Variants in TTC7A observed in about 807,000 individuals in gnomAD.
TTC7A encodes the protein tetratricopeptide repeat protein 7A.
A neutral mutation model predicts 103.7 loss-of-function variants in TTC7A; 110 were observed. That is an observed-to-expected ratio of 1.06 (90% CI 0.91 to 1.24). TTC7A has a LOEUF of 1.24. TTC7A is among the 50% of genes most tolerant of loss of function. TTC7A has a pLI of 0.00. For missense variants in TTC7A, 1,340 were observed against 1,116.3 expected (o/e 1.20, Z -2.86); for synonymous variants, 521 against 467.9 (o/e 1.11, Z -1.47).
chr2:47,016,065 A>G (rs1678625013), intron 11 of TTC7A, among the ~76,000 whole-genome samples: 1 of 152,220 alleles, frequency 6.6e-6, no homozygotes, highest in Admixed American at 6.5e-5. Context: ...TTTTTGGCTC[A>G]CTGCAAGGTG....
chr2:47,073,762 G>A lies in TTC7A; in HGVS notation c.2416G>A (p.Val806Met), dbSNP rs777208348. ...GGCCCAGAAGGTGCTTCGTGATGCC[G>A]TGGAGAGGCAGAGTACGTGCCACGA... ...SLAQKVLRDA[V>M]ERQSTCHEAW... Residue 806 changes from valine (V) to methionine (M), a missense_variant, in exon 20 of 20, where the codon GTG becomes ATG. Physicochemically the swap from Val to Met is conservative, Grantham distance 21. Coordinates refer to ENST00000319190, the MANE Select transcript of TTC7A (RefSeq NM_020458.4). 1.4e-5 allele frequency: 22 copies of A among 1,613,758 alleles called. No homozygotes were observed. The highest frequency in any genetic ancestry group is 2.2e-5 in the East Asian group (1 of 44,896).
At chr2:47,064,029 C>T (rs1683996417) in intron 19 of TTC7A, among the ~76,000 whole-genome samples, 1 of 152,254 alleles carries the variant, frequency 6.6e-6, no homozygotes, top group Non-Finnish European at 1.5e-5. Flanking sequence ...CCCTGTCCCC[C>T]TGTCGGTGCC....
At chr2:46,981,030 C>G (rs952143490) in intron 5 of TTC7A, among the ~76,000 whole-genome samples, 4 of 152,182 alleles carry the variant, frequency 2.6e-5, no homozygotes. Flanking sequence ...TCTCCAAGCC[C>G]ATGCTTTTGG....
chr2:47,013,137 C>T (rs1002186271), intron 11 of TTC7A, among the ~76,000 whole-genome samples: 6 of 152,100 alleles, frequency 3.9e-5, no homozygotes, highest in African/African-American at 4.8e-5. Context: ...GAGGGCTGGA[C>T]GGGTCAGGGA....
At chr2:46,923,321 A>C (rs1218915611) in intron 2 of TTC7A, among the ~76,000 whole-genome samples, 1 of 152,094 alleles carries the variant, frequency 6.6e-6, no homozygotes, top group East Asian at 1.9e-4. Context: ...CAACCTTCTA[A>C]TCACACCTTG....
intron 19 of TTC7A, among the ~76,000 whole-genome samples, chr2:47,062,010 G>A (rs749467709): frequency 8.5e-5 from 13 of 152,220 alleles, no homozygotes; most frequent in Non-Finnish European, 1.3e-4. Flanking sequence ...CTTCTGGCAC[G>A]TAGAGAGCAC....
chr2:46,922,895 T>A lies in TTC7A; in HGVS notation c.82+5618T>A, dbSNP rs566304282. Among the ~76,000 whole-genome samples, 8 of 152,350 alleles carry A rather than the reference T, an allele frequency of 5.3e-5. No homozygotes were observed. In the South Asian group the frequency reaches 6.2e-4, roughly 12 times the overall value. ...CAGTTTTACAAAACAGCCCTCTCTT[T>A]CCCACCAGTCGCAAGTCCAAGGCCC... On this transcript the variant is annotated intron_variant, in intron 2 of 20. Coordinates refer to the TTC7A transcript ENST00000409245.
intron 15 of TTC7A, among the ~76,000 whole-genome samples, chr2:47,035,916 G>C (rs1465082653): frequency 6.6e-6 from 1 of 152,230 alleles, no homozygotes; most frequent in Non-Finnish European, 1.5e-5. Context: ...ACACAGGGCA[G>C]AGAGACCAAG....
intron 3 of TTC7A, among the ~76,000 whole-genome samples, chr2:46,961,172 T>C (rs916251743): frequency 3.3e-5 from 5 of 152,280 alleles, no homozygotes; most frequent in Middle Eastern, 3.4e-3. Context: ...GGAAAGGAAA[T>C]GTTCCCAGCC....
chr2:46,970,532 C>T (rs1304136813), intron 3 of TTC7A, among the ~76,000 whole-genome samples: 1 of 152,226 alleles, frequency 6.6e-6, no homozygotes, highest in Non-Finnish European at 1.5e-5. Context: ...GGAGGGAGCC[C>T]AGCCTCAGCA....
At chr2:47,050,322 G>C in intron 17 of TTC7A, 1 of 484,438 alleles carries the variant, frequency 2.1e-6, no homozygotes, top group Non-Finnish European at 3.8e-6. Context: ...GTGGAGCACA[G>C]AAACCGTTTC....
At chr2:47,062,259 C>G (rs375829571) in intron 19 of TTC7A, among the ~76,000 whole-genome samples, 4 of 152,164 alleles carry the variant, frequency 2.6e-5, no homozygotes, top group African/African-American at 9.7e-5. Context: ...CCTTTCCAAC[C>G]TGACAGTCCT....
rs923699939 is a variant in TTC7A, at chr2:47,075,302, G to GT, written c.*1385dup. 36 of 152,124 alleles carry GT rather than the reference G, an allele frequency of 2.4e-4. No individual in the cohort carries two copies. The highest frequency in any genetic ancestry group is 8.4e-4 in the African/African-American group (35 of 41,436). 9.4% of individuals were successfully genotyped at this position (152,124 alleles called of 1,614,324 possible). A position where few individuals can be genotyped will look rare whatever the true frequency, so the allele number is the denominator to read the frequency against. On this transcript the variant is annotated 3_prime_UTR_variant, in exon 20 of 20. Transcript: ENST00000319190. ...CTATGTATGTGTGTATATAAATATA[G>GT]TTTTTTATCTATATATATAAAATAG... is the stretch of plus-strand genomic sequence containing the variant.
intron 15 of TTC7A, among the ~76,000 whole-genome samples, chr2:47,037,860 T>C (rs1419184463): frequency 2.0e-5 from 3 of 152,214 alleles, no homozygotes; most frequent in Admixed American, 1.3e-4. Context: ...GAACCCTTTC[T>C]GAAGTGCCAG....
intron 3 of TTC7A, among the ~76,000 whole-genome samples, chr2:46,964,364 T>G (rs531892366): frequency 1.6e-4 from 25 of 152,130 alleles, no homozygotes; most frequent in African/African-American, 5.5e-4. Context: ...GTGTGTGGGA[T>G]GGATTGGGAA....
intron 2 of TTC7A, among the ~76,000 whole-genome samples, chr2:46,955,315 G>A (rs1465790709): frequency 1.3e-5 from 2 of 152,220 alleles, no homozygotes; most frequent in Non-Finnish European, 2.9e-5. Flanking sequence ...ACATACCTCT[G>A]GGATGTGTCA....
intron 8 of TTC7A, among the ~76,000 whole-genome samples, chr2:47,003,115 G>A (rs1677009184): frequency 6.6e-6 from 1 of 152,164 alleles, no homozygotes. Context: ...TCTCTTAAAG[G>A]TCAAGGTCTA....
At chr2:46,931,885 AT>A (rs1307678563) in intron 2 of TTC7A, among the ~76,000 whole-genome samples, 1 of 152,160 alleles carries the variant, frequency 6.6e-6, no homozygotes, top group African/African-American at 2.4e-5. Context: ...ATGTGTGCTA[AT>A]TTGTTAAGAA....
intron 1 of TTC7A, chr2:46,916,586 C>G (rs1668800959): frequency 6.5e-6 from 1 of 154,144 alleles, no homozygotes; most frequent in African/African-American, 2.4e-5. Context: ...CAGTAAGTAT[C>G]CATTGACCTG....
Sources: gnomAD v4.1 joint callset for allele counts (sites outside exome capture counted in the v4.1 genomes callset) on GRCh38, gnomAD v4.1.1 for gene constraint, MANE v1.5 for transcripts, NCBI Gene and HGNC (gene_info 2026-07-23, HGNC 2026-07-21) for gene names.